MRTFB: variants seen among roughly 807,000 people sequenced by gnomAD.
The protein encoded by MRTFB is myocardin related transcription factor B.
In MRTFB, 29 loss-of-function variants were observed where a neutral mutation model predicts 104.2. The observed-to-expected ratio is 0.28, with a 90% CI of 0.21 to 0.38. The LOEUF (loss-of-function observed/expected upper bound fraction) is 0.38. Among genes scored for constraint, MRTFB ranks in the 10% least tolerant of loss-of-function variants. MRTFB has a pLI of 1.00. For synonymous variants in MRTFB, 535 were observed against 519.5 expected, an observed-to-expected ratio of 1.03 and a Z score of -0.41; for missense variants, 1,270 against 1,341.6, an observed-to-expected ratio of 0.95 and a Z score of 0.83.
chr16:14,155,222 C>T (rs1258881294), intron 3 of MRTFB, among the ~76,000 whole-genome samples: 1 of 151,228 alleles, frequency 6.6e-6, no homozygotes, highest in Admixed American at 6.6e-5. Context: ...TTCAAGTATT[C>T]CCTGATCTTT....
chr16:14,171,499 GA>G (rs3086621), intron 3 of MRTFB, among the ~76,000 whole-genome samples: 203 of 138,644 alleles, frequency 1.5e-3, no homozygotes, highest in East Asian at 5.1e-3. Context: ...ACTCTGTCTC[GA>G]AAAAAAAAAA....
At chr16:14,036,671 A>G in the MRTFB span, among the ~76,000 whole-genome samples, 2 of 150,914 alleles carry the variant, frequency 1.3e-5, no homozygotes, top group African/African-American at 2.5e-5. Flanking sequence ...TCCATCATAT[A>G]TATAGAAATA....
chr16:14,066,280 T>A, the MRTFB span, among the ~76,000 whole-genome samples: 3 of 151,562 alleles, frequency 2.0e-5, no homozygotes, highest in Admixed American at 1.3e-4. Context: ...TTTATTATTA[T>A]TATTATTTTT....
At chr16:14,066,667 A>G (rs2033530852), upstream of MRTFB, among the ~76,000 whole-genome samples, 1 of 151,240 alleles carries the variant, frequency 6.6e-6, no homozygotes. Flanking sequence ...TATGAGACTC[A>G]CCTCTGTGTT....
At chr16:14,096,120 A>G (rs1567316935) in intron 2 of MRTFB, among the ~76,000 whole-genome samples, 2 of 151,880 alleles carry the variant, frequency 1.3e-5, no homozygotes, top group Non-Finnish European at 1.5e-5. Flanking sequence ...TCTGTCTTCC[A>G]GGCTGCAGTG....
upstream of MRTFB, among the ~76,000 whole-genome samples, chr16:14,071,039 A>G (rs1221587591): frequency 1.3e-5 from 2 of 152,186 alleles, no homozygotes; most frequent in Non-Finnish European, 2.9e-5. Flanking sequence ...GCCTTTGCAG[A>G]GGCTCAGGGC....
intron 6 of MRTFB, among the ~76,000 whole-genome samples, chr16:14,215,960 T>A (rs963604226): frequency 2.0e-5 from 3 of 152,284 alleles, no homozygotes; most frequent in African/African-American, 7.2e-5. Context: ...ACTCAACCTT[T>A]ATCAAATCTT....
chr16:14,161,113 T>G (rs953796618), intron 3 of MRTFB, among the ~76,000 whole-genome samples: 5 of 137,726 alleles, frequency 3.6e-5, no homozygotes, highest in South Asian at 2.2e-4. Flanking sequence ...TTTTTTTTTG[T>G]AATCGTGAGT....
At chr16:14,088,156 A>G (rs1398246080) in intron 2 of MRTFB, among the ~76,000 whole-genome samples, 4 of 152,218 alleles carry the variant, frequency 2.6e-5, no homozygotes, top group African/African-American at 9.6e-5. Context: ...ACTGTTACTT[A>G]TACTGTGATA....
intron 8 of MRTFB, 149 bp from the exon 9 acceptor site, chr16:14,233,997 C>T: frequency 1.1e-6 from 1 of 908,984 alleles, no homozygotes; most frequent in East Asian, 2.6e-5. Context: ...CATGTTATTC[C>T]ACCATCTGGC....
chr16:14,200,054 TGGA>T, intron 3 of MRTFB: 1 of 494,776 alleles, frequency 2.0e-6, no homozygotes, highest in Non-Finnish European at 3.6e-6. Flanking sequence ...CCTTGTAAGC[TGGA>T]CTACAGATTG....
At chr16:14,187,856 A>G (rs1341630953) in intron 3 of MRTFB, among the ~76,000 whole-genome samples, 1 of 152,172 alleles carries the variant, frequency 6.6e-6, no homozygotes, top group Non-Finnish European at 1.5e-5. Context: ...TAATTTGAAA[A>G]TTGGTTTCCT....
rs187686604 is a variant in MRTFB, at chr16:14,202,602, A to G, written c.155-7641A>G. ...AAGCCTTATGGTTTTATATTTGGAG[A>G]AAAAAAGTGTTATTTTCACCAAGTG... On this transcript the variant is annotated intron_variant, in intron 3 of 16. Coordinates refer to ENST00000571589, the MANE Select transcript of MRTFB (RefSeq NM_001308142.2). Among the ~76,000 whole-genome samples, 498 of 152,282 alleles carry G rather than the reference A, an allele frequency of 3.3e-3. 2 individuals are homozygous for G. Among genetic ancestry groups the G allele is most frequent in the African/African-American group, 8.8e-3 (367 of 41,568 alleles).
chr16:14,021,420 A>G, the MRTFB span, among the ~76,000 whole-genome samples: 1 of 152,142 alleles, frequency 6.6e-6, no homozygotes, highest in Non-Finnish European at 1.5e-5. Context: ...ATGACTTCTT[A>G]TTTTAAAAAA....
At chr16:14,257,467 T>C (rs1295677544) in intron 15 of MRTFB, among the ~76,000 whole-genome samples, 1 of 152,152 alleles carries the variant, frequency 6.6e-6, no homozygotes, top group Non-Finnish European at 1.5e-5. Context: ...AGAATAATTA[T>C]GCTGGGTGAA....
chr16:14,219,066 A>G (rs1466004981), intron 8 of MRTFB, 68 bp downstream of exon 8: 6 of 1,395,126 alleles, frequency 4.3e-6, no homozygotes, highest in Admixed American at 2.7e-5. Flanking sequence ...ATATTAAGGT[A>G]ATACACTTTG....
chr16:14,241,074 G>C (rs1044825360), intron 10 of MRTFB: 1 of 402,972 alleles, frequency 2.5e-6, no homozygotes, highest in East Asian at 4.5e-5. Flanking sequence ...TACAGCCAAT[G>C]TCTAAGGGGA....
At chr16:13,998,512 G>C in the MRTFB span, among the ~76,000 whole-genome samples, 1 of 152,156 alleles carries the variant, frequency 6.6e-6, no homozygotes, top group East Asian at 1.9e-4. Flanking sequence ...TGGGCATGAA[G>C]TTGCACACCT....
chr16:14,116,183 A>G (rs1394922599), intron 2 of MRTFB, among the ~76,000 whole-genome samples: 3 of 151,728 alleles, frequency 2.0e-5, no homozygotes, highest in Non-Finnish European at 4.4e-5. Context: ...TTTCTTGCAA[A>G]CATATTTCTT....
Sources: allele counts gnomAD v4.1 joint callset (sites outside exome capture counted in the v4.1 genomes callset), GRCh38; gene constraint gnomAD v4.1.1; transcripts MANE v1.5; gene names NCBI Gene and HGNC (gene_info 2026-07-23, HGNC 2026-07-21).